OR6J1: variants seen among roughly 807,000 people sequenced by gnomAD.
OR6J1 encodes olfactory receptor family 6 subfamily J member 1, also known as olfactory receptor 6J1.
For synonymous variants in OR6J1, 109 were observed against 70.0 expected, an observed-to-expected ratio of 1.56 and a Z score of -2.78; for missense variants, 304 against 166.8, an observed-to-expected ratio of 1.82 and a Z score of -4.53.
chr14:22,638,931 C>T lies in OR6J1; in HGVS notation c.-27-4093G>A, dbSNP rs369650164. On this transcript the variant is annotated intron_variant, in intron 1 of 1. Coordinates refer to ENST00000540461, the MANE Select transcript of OR6J1 (RefSeq NM_001348233.2). ...CTAGGAAGTGAGGAGCGTCTCTGCC[C>T]GGCCGCCCATCGTCTGAGATGTGGG... Among the ~76,000 whole-genome samples the T allele has an allele frequency of 2.7e-4, 31 of 116,726 alleles. No individual in the cohort carries two copies. In the East Asian group the frequency reaches 4.8e-3, roughly 18 times the overall value. 76.6% of individuals were successfully genotyped at this position (116,726 alleles called of 152,430 possible).
At chr14:22,639,332 C>T (rs1281958859) in intron 1 of OR6J1, among the ~76,000 whole-genome samples, 5 of 130,176 alleles carry the variant, frequency 3.8e-5, no homozygotes, top group Admixed American at 7.1e-5. Context: ...CCCCTCTGCC[C>T]GGCCAGCCAC....
intron 1 of OR6J1, among the ~76,000 whole-genome samples, chr14:22,639,378 G>A (rs1314822461): frequency 9.9e-5 from 12 of 120,862 alleles, no homozygotes; most frequent in Admixed American, 7.6e-4. Context: ...TCAGCCCCCC[G>A]CCCGGCCAGC....
chr14:22,643,752 CACACACACACACAG>C (rs1317366934), intron 1 of OR6J1, among the ~76,000 whole-genome samples: 1,242 of 106,974 alleles, frequency 0.012, 14 homozygotes, highest in African/African-American at 0.044. Context: ...CACACACACA[CACACACACACACAG>C]AGAGAGAGAG....
chr14:22,637,568 C>T (rs1594902347), intron 1 of OR6J1, among the ~76,000 whole-genome samples: 1 of 47,512 alleles, frequency 2.1e-5, no homozygotes, highest in Admixed American at 1.3e-4. Context: ...GCCAGCCGCC[C>T]CGTCCGGGAG....
In OR6J1 at chr14:22,643,053, C is replaced by T. The variant is rs544638580; in HGVS notation, c.-28+1045G>A. Among the ~76,000 whole-genome samples, 39 of 151,088 alleles carry T rather than the reference C, an allele frequency of 2.6e-4. No individual in the cohort carries two copies. In the South Asian group the frequency reaches 5.9e-3, roughly 23 times the overall value. On this transcript the variant is annotated intron_variant, in intron 1 of 1. Transcript: ENST00000540461. The stretch of plus-strand genomic sequence containing the variant: ...TGCAATCTCTGGTCACTGCAACCTC[C>T]GCCTCCCCGGTTCAAGCGATTCTCC...
chr14:22,638,867 T>C (rs1462169002), intron 1 of OR6J1, among the ~76,000 whole-genome samples: 2 of 89,648 alleles, frequency 2.2e-5, no homozygotes, highest in Non-Finnish European at 4.7e-5. Context: ...CCATCCCATC[T>C]AGGAAGTGAG....
rs1483254199 is a variant in OR6J1, at chr14:22,631,389, C to T, written c.*2379G>A. On this transcript the variant is annotated 3_prime_UTR_variant, in exon 2 of 2. Transcript: ENST00000540461. Reference sequence around the variant, plus strand: ...AGGACTACACTCCCAGGCGCGTACTCTCTTTCCCAGGGATGTTCCTTGCTG... The same window carrying T: ...AGGACTACACTCCCAGGCGCGTACTTTCTTTCCCAGGGATGTTCCTTGCTG... The T allele has an allele frequency of 3.3e-5, 5 of 152,222 alleles. No individual in the cohort carries two copies. The highest frequency in any genetic ancestry group is 1.2e-4 in the African/African-American group (5 of 41,456). The allele number at this position is 152,222 out of a possible 1,614,324, so 9.4% of individuals were successfully genotyped here. A position where few individuals can be genotyped will look rare whatever the true frequency, so the allele number is the denominator to read the frequency against.
chr14:22,639,386 A>G (rs1463806495), intron 1 of OR6J1, among the ~76,000 whole-genome samples: 1 of 120,578 alleles, frequency 8.3e-6, no homozygotes, highest in African/African-American at 4.0e-5. Flanking sequence ...CCGCCCGGCC[A>G]GCCGCCCCGT....
At chr14:22,643,706 A>G (rs1213590239) in intron 1 of OR6J1, among the ~76,000 whole-genome samples, 3 of 131,666 alleles carry the variant, frequency 2.3e-5, no homozygotes, top group Non-Finnish European at 3.2e-5. Context: ...GACCCCTGGC[A>G]TGGCAGAAAC....
At chr14:22,636,683 C>T (rs1488155679) in intron 1 of OR6J1, among the ~76,000 whole-genome samples, 1,823 of 114,938 alleles carry the variant, frequency 0.016, 48 homozygotes, top group African/African-American at 0.077. Context: ...CCCGGGGTGC[C>T]GGGATTGCGG....
chr14:22,638,955 G>C (rs1442347991), intron 1 of OR6J1, among the ~76,000 whole-genome samples: 1 of 112,434 alleles, frequency 8.9e-6, no homozygotes, highest in Non-Finnish European at 1.8e-5. Context: ...CTGAGATGTG[G>C]GGAGCGCCTC....
At chr14:22,640,295 A>G (rs1359046473) in intron 1 of OR6J1, among the ~76,000 whole-genome samples, 1 of 44,610 alleles carries the variant, frequency 2.2e-5, no homozygotes, top group African/African-American at 6.2e-5. Flanking sequence ...GGAAAGGGGG[A>G]AGGGAGGGGA....
rs2037591406 is a variant in OR6J1, at chr14:22,636,896, C to G, written c.-27-2058G>C. 2.5e-5 allele frequency among the ~76,000 whole-genome samples: 3 copies of G among 119,178 alleles called. 1 individual carries two copies. Among genetic ancestry groups the G allele is most frequent in the Admixed American group, 2.3e-4 (3 of 13,218 alleles). 78.2% of individuals were successfully genotyped at this position (119,178 alleles called of 152,430 possible). A position where few individuals can be genotyped will look rare whatever the true frequency, so the allele number is the denominator to read the frequency against. On this transcript the variant is annotated intron_variant, in intron 1 of 1. Transcript: ENST00000540461. ...ACCCATCGTCTGGGATATGAGGAGC[C>G]TCTCTGCCTGGCTGCCCAGTCTGGA...
At chr14:22,641,399 A>AGG (rs2037649106) in intron 1 of OR6J1, among the ~76,000 whole-genome samples, 2 of 55,652 alleles carry the variant, frequency 3.6e-5, no homozygotes, top group African/African-American at 2.8e-4. Context: ...GAGAGAGAGA[A>AGG]AGGAAGGATG....
chr14:22,641,266 A>AAGG (rs2037646009), intron 1 of OR6J1, among the ~76,000 whole-genome samples: 18 of 122,898 alleles, frequency 1.5e-4, no homozygotes, highest in African/African-American at 5.4e-4. Flanking sequence ...AGAAAGAAAG[A>AAGG]AAGGAAGGAA....
chr14:22,637,749 C>G (rs1203562322), intron 1 of OR6J1, among the ~76,000 whole-genome samples: 1 of 76,918 alleles, frequency 1.3e-5, no homozygotes, highest in Non-Finnish European at 2.5e-5. Flanking sequence ...ATCAGCCCCC[C>G]GCCTGGCCAG....
chr14:22,637,688 G>T (rs2037602590), intron 1 of OR6J1, among the ~76,000 whole-genome samples: 1 of 80,230 alleles, frequency 1.2e-5, no homozygotes, highest in African/African-American at 7.0e-5. Flanking sequence ...GAGGTGGGGG[G>T]GGTCAGCCCC....
At position 22,639,448 on chromosome 14, in the gene OR6J1, G is replaced by A. The variant is rs1225546681; in HGVS notation, c.-27-4610C>T. On this transcript the variant is annotated intron_variant, in intron 1 of 1. Transcript: ENST00000540461. ...GGCCGCCCCTACTGGGAAGTGAGGA[G>A]CCCCTCTGCCCGGCCACCACCCCGT... Among the ~76,000 whole-genome samples the A allele has an allele frequency of 4.5e-5, 6 of 133,906 alleles. No individual in the cohort carries two copies. The South Asian group carries it at 6.7e-4, about 15-fold the overall frequency. The allele number at this position is 133,906 out of a possible 152,430, so 87.8% of individuals were successfully genotyped here.
intron 1 of OR6J1, among the ~76,000 whole-genome samples, chr14:22,643,764 C>CACACACACACAGAGAGAGAG (rs1466950724): frequency 2.9e-4 from 11 of 37,692 alleles, no homozygotes; most frequent in Admixed American, 1.8e-3. Flanking sequence ...CACACACACA[C>CACACACACACAGAGAGAGAG]AGAGAGAGAG....
Sources: gnomAD v4.1 joint callset for allele counts (sites outside exome capture counted in the v4.1 genomes callset) on GRCh38, gnomAD v4.1.1 for gene constraint, MANE v1.5 for transcripts, NCBI Gene and HGNC (gene_info 2026-07-23, HGNC 2026-07-21) for gene names.